GPC6: variants seen among roughly 807,000 people sequenced by gnomAD.
GPC6 encodes the protein glypican-6.
A neutral mutation model predicts 55.2 loss-of-function variants in GPC6; 14 were observed. The ratio of observed to expected loss-of-function variants is 0.25; its 90% CI spans 0.17 to 0.40. The LOEUF (loss-of-function observed/expected upper bound fraction) is 0.40, where lower values mean the gene tolerates loss of function less well. Among genes scored for constraint, GPC6 ranks in the 10% least tolerant of loss-of-function variants. The probability of loss-of-function intolerance (pLI) is 1.00; values close to 1 mark genes in which losing one functional copy is unlikely to be tolerated. For synonymous variants in GPC6, 278 were observed against 259.6 expected (o/e 1.07, Z -0.68); for missense variants, 641 against 708.5 (o/e 0.90, Z 1.08).
At chr13:93,552,940 T>A (rs1000400871) in intron 2 of GPC6, among the ~76,000 whole-genome samples, 5 of 152,222 alleles carry the variant, frequency 3.3e-5, no homozygotes, top group Non-Finnish European at 7.3e-5. Context: ...ATTTTCTTAT[T>A]TTAATGAAAA....
intron 4 of GPC6, among the ~76,000 whole-genome samples, chr13:94,191,850 G>T (rs920273283): frequency 1.4e-4 from 22 of 152,232 alleles, no homozygotes; most frequent in African/African-American, 5.1e-4. Context: ...AAACATTAGA[G>T]AGCCAAACCC....
intron 2 of GPC6, among the ~76,000 whole-genome samples, chr13:93,565,200 C>T (rs1000185020): frequency 6.6e-6 from 1 of 152,120 alleles, no homozygotes; most frequent in Non-Finnish European, 1.5e-5. Context: ...TTCTGCCCTC[C>T]CTTTATCTGT....
At chr13:93,568,663 C>T (rs960892069) in intron 2 of GPC6, among the ~76,000 whole-genome samples, 1 of 152,126 alleles carries the variant, frequency 6.6e-6, no homozygotes, top group Non-Finnish European at 1.5e-5. Flanking sequence ...AAATCTAGCT[C>T]GGTGTGAGAC....
chr13:93,806,786 A>C (rs1397949911), intron 2 of GPC6, among the ~76,000 whole-genome samples: 2 of 152,228 alleles, frequency 1.3e-5, no homozygotes, highest in East Asian at 3.8e-4. Context: ...ATTACTTTGT[A>C]TGCAGATATG....
intron 6 of GPC6, among the ~76,000 whole-genome samples, chr13:94,335,890 C>T (rs1174172882): frequency 1.5e-5 from 2 of 130,324 alleles, no homozygotes; most frequent in African/African-American, 3.0e-5. Context: ...GCTCTCTTCA[C>T]TGTTGTTGTG....
At chr13:93,817,969 C>T (rs1886918375) in intron 2 of GPC6, among the ~76,000 whole-genome samples, 1 of 146,716 alleles carries the variant, frequency 6.8e-6, no homozygotes, top group Admixed American at 6.8e-5. Context: ...ATATATAATA[C>T]ATAAATATAT....
At chr13:93,293,527 G>T (rs1566283684) in intron 1 of GPC6, among the ~76,000 whole-genome samples, 1 of 151,908 alleles carries the variant, frequency 6.6e-6, no homozygotes, top group Non-Finnish European at 1.5e-5. Flanking sequence ...AAGATTATCT[G>T]AGTAATGGAC....
At chr13:93,224,089 G>A (rs1181190882), upstream of GPC6, among the ~76,000 whole-genome samples, 1 of 151,734 alleles carries the variant, frequency 6.6e-6, no homozygotes, top group African/African-American at 2.4e-5. Context: ...TAGTAGAGAC[G>A]GGGTTTCACC....
At chr13:93,831,943 A>G (rs1482134751) in intron 3 of GPC6, among the ~76,000 whole-genome samples, 3 of 149,466 alleles carry the variant, frequency 2.0e-5, no homozygotes, top group African/African-American at 7.4e-5. Flanking sequence ...ACAAAAAAAT[A>G]GCCAGGCGTG....
chr13:93,837,006 TG>T (rs767427191), intron 3 of GPC6, among the ~76,000 whole-genome samples: 1 of 152,222 alleles, frequency 6.6e-6, no homozygotes, highest in Non-Finnish European at 1.5e-5. Context: ...TTATATTGAT[TG>T]AAACAATTTA....
chr13:93,871,209 G>A (rs1889122768), intron 3 of GPC6, among the ~76,000 whole-genome samples: 1 of 151,896 alleles, frequency 6.6e-6, no homozygotes, highest in South Asian at 2.1e-4. Flanking sequence ...CTTACAATTT[G>A]TCTGAACTTT....
chr13:94,294,960 A>G (rs1333483418), intron 5 of GPC6, among the ~76,000 whole-genome samples: 1 of 152,278 alleles, frequency 6.6e-6, no homozygotes, highest in African/African-American at 2.4e-5. Flanking sequence ...TTCCTAACAC[A>G]TTGTTTTACA....
At chr13:94,105,903 A>G (rs991884860) in intron 4 of GPC6, among the ~76,000 whole-genome samples, 2 of 152,068 alleles carry the variant, frequency 1.3e-5, no homozygotes, top group South Asian at 2.1e-4. Flanking sequence ...TAAGCATCCT[A>G]CATTGAAAAG....
intron 1 of GPC6, among the ~76,000 whole-genome samples, chr13:93,412,284 T>A (rs1464614539): frequency 6.6e-6 from 1 of 152,158 alleles, no homozygotes; most frequent in Admixed American, 6.6e-5. Context: ...CACCACCTTT[T>A]CAAGACAATA....
chr13:93,675,834 G>C (rs1881565222), intron 2 of GPC6, among the ~76,000 whole-genome samples: 1 of 152,028 alleles, frequency 6.6e-6, no homozygotes. Context: ...GTGGAAAGCT[G>C]CATCCCATAA....
chr13:93,273,313 T>C (rs1215002884), intron 1 of GPC6, among the ~76,000 whole-genome samples: 1 of 152,218 alleles, frequency 6.6e-6, no homozygotes, highest in African/African-American at 2.4e-5. Context: ...GTTGTAATAA[T>C]AGACATACAA....
At chr13:93,429,185 T>G (rs986451220) in intron 1 of GPC6, among the ~76,000 whole-genome samples, 16 of 152,128 alleles carry the variant, frequency 1.1e-4, no homozygotes, top group Non-Finnish European at 2.1e-4. Context: ...AACACTCTCC[T>G]AAAGCTAATT....
intron 4 of GPC6, among the ~76,000 whole-genome samples, chr13:94,256,436 A>G (rs1212821661): frequency 6.6e-6 from 1 of 152,172 alleles, no homozygotes; most frequent in African/African-American, 2.4e-5. Flanking sequence ...ATTTAGAAAG[A>G]AGCATCTTGC....
chr13:93,639,148 G>GT (rs1879811797), intron 2 of GPC6, among the ~76,000 whole-genome samples: 1 of 152,068 alleles, frequency 6.6e-6, no homozygotes, highest in Non-Finnish European at 1.5e-5. Context: ...GCAAGGAGGG[G>GT]TAAAAAAATG....
Sources: allele counts gnomAD v4.1 joint callset (sites outside exome capture counted in the v4.1 genomes callset), GRCh38; gene constraint gnomAD v4.1.1; transcripts MANE v1.5; gene names NCBI Gene and HGNC (gene_info 2026-07-23, HGNC 2026-07-21).